Variants in NAALADL2 observed in about 807,000 individuals in gnomAD.
The protein encoded by NAALADL2 is N-acetylated alpha-linked acidic dipeptidase like 2.
Under a neutral mutation model 87.2 loss-of-function variants are expected in NAALADL2, and 76 were observed. The ratio of observed to expected loss-of-function variants is 0.87; its 90% CI spans 0.72 to 1.05. The LOEUF (loss-of-function observed/expected upper bound fraction) is 1.05, where lower values mean the gene tolerates loss of function less well. NAALADL2 is among the 50% of genes least tolerant of loss of function. The pLI is 0.00. For missense variants in NAALADL2, 1,089 were observed against 945.8 expected (o/e 1.15, Z -1.99); for synonymous variants, 354 against 331.0 (o/e 1.07, Z -0.75).
chr3:174,528,399 G>A (rs1361077461), intron 1 of NAALADL2, among the ~76,000 whole-genome samples: 3 of 152,116 alleles, frequency 2.0e-5, no homozygotes, highest in South Asian at 4.1e-4. Context: ...AGAGGCCAAG[G>A]CATGTAGATC....
chr3:175,515,867 G>T (rs752564408), intron 9 of NAALADL2, among the ~76,000 whole-genome samples: 2 of 152,160 alleles, frequency 1.3e-5, no homozygotes, highest in African/African-American at 2.4e-5. Context: ...TCATATGCCT[G>T]TACCTAAGTG....
At chr3:175,157,371 A>G (rs1732483707) in intron 2 of NAALADL2, among the ~76,000 whole-genome samples, 2 of 152,098 alleles carry the variant, frequency 1.3e-5, no homozygotes, top group African/African-American at 4.8e-5. Flanking sequence ...TCAATTCTCA[A>G]AACATCAGTT....
At chr3:174,912,045 T>C (rs529217797) in intron 1 of NAALADL2, among the ~76,000 whole-genome samples, 2 of 152,236 alleles carry the variant, frequency 1.3e-5, no homozygotes, top group South Asian at 2.1e-4. Flanking sequence ...CCAATTTCTC[T>C]TCTCACAGAA....
At chr3:175,523,583 T>A (rs546467677) in intron 9 of NAALADL2, among the ~76,000 whole-genome samples, 1 of 152,338 alleles carries the variant, frequency 6.6e-6, no homozygotes, top group Non-Finnish European at 1.5e-5. Flanking sequence ...CACGGCAAGT[T>A]ACTTCTCTAG....
rs1179176430 is a variant in NAALADL2, at chr3:174,547,390, T to C, written c.-183-3179T>C. On this transcript the variant is annotated intron_variant, in intron 1 of 3. Transcript: ENST00000434257. ...TGATTGCTTATACATTGTTAAGCTC[T>C]AGGATGTGGATTATAGTGTCCTGTG... Among the ~76,000 whole-genome samples the C allele has an allele frequency of 4.6e-5, 7 of 152,284 alleles. No homozygotes were observed. The East Asian group carries it at 1.4e-3, about 29-fold the overall frequency.
At chr3:175,457,469 A>T (rs1405733753) in intron 6 of NAALADL2, among the ~76,000 whole-genome samples, 4 of 152,080 alleles carry the variant, frequency 2.6e-5, no homozygotes, top group Admixed American at 6.6e-5. Context: ...ATTTGTGTTC[A>T]CTGATACGTG....
At chr3:175,723,606 T>G (rs1166533085) in intron 11 of NAALADL2, among the ~76,000 whole-genome samples, 1 of 152,148 alleles carries the variant, frequency 6.6e-6, no homozygotes, top group Non-Finnish European at 1.5e-5. Context: ...CCAGGTTAAT[T>G]TATTAGTAAT....
chr3:175,728,039 T>C (rs1184646703), intron 11 of NAALADL2, among the ~76,000 whole-genome samples: 1 of 152,202 alleles, frequency 6.6e-6, no homozygotes, highest in African/African-American at 2.4e-5. Context: ...GTATAAGTTC[T>C]CGCTTTACTA....
chr3:174,538,999 A>G (rs1269763341), intron 1 of NAALADL2, among the ~76,000 whole-genome samples: 2 of 152,214 alleles, frequency 1.3e-5, no homozygotes, highest in Non-Finnish European at 1.5e-5. Context: ...AACCTTGGCA[A>G]AACAAACTTC....
intron 13 of NAALADL2, among the ~76,000 whole-genome samples, chr3:175,788,450 A>G (rs1419972473): frequency 2.6e-5 from 4 of 152,022 alleles, no homozygotes; most frequent in Non-Finnish European, 5.9e-5. Flanking sequence ...ATGTGTTTAT[A>G]TATACAAATA....
At chr3:174,546,358 T>C (rs79550876) in intron 1 of NAALADL2, among the ~76,000 whole-genome samples, 23 of 152,284 alleles carry the variant, frequency 1.5e-4, no homozygotes, top group Non-Finnish European at 3.1e-4. Flanking sequence ...GTACCTCTGC[T>C]CTTTTGTTTG....
chr3:175,152,090 T>A (rs1428684302), intron 2 of NAALADL2, among the ~76,000 whole-genome samples: 1 of 152,192 alleles, frequency 6.6e-6, no homozygotes, highest in African/African-American at 2.4e-5. Context: ...TTGTATAAGT[T>A]GGATCGTCAT....
intron 1 of NAALADL2, among the ~76,000 whole-genome samples, chr3:174,880,041 C>G (rs1244695093): frequency 6.6e-6 from 1 of 151,970 alleles, no homozygotes; most frequent in Non-Finnish European, 1.5e-5. Context: ...CCCTGTTATA[C>G]CTGCTTTCTT....
At chr3:175,236,947 T>A (rs781288378) in intron 3 of NAALADL2, among the ~76,000 whole-genome samples, 5 of 152,202 alleles carry the variant, frequency 3.3e-5, no homozygotes, top group Admixed American at 6.5e-5. Context: ...TGCAATTAGA[T>A]AGCCTCACCT....
At chr3:174,897,369 A>G (rs991917281) in intron 1 of NAALADL2, among the ~76,000 whole-genome samples, 9 of 152,006 alleles carry the variant, frequency 5.9e-5, no homozygotes, top group Non-Finnish European at 1.2e-4. Flanking sequence ...ATTTGAAAAG[A>G]TATTTTTCAA....
intron 12 of NAALADL2, among the ~76,000 whole-genome samples, chr3:175,741,993 G>C (rs1308929764): frequency 6.6e-6 from 1 of 152,228 alleles, no homozygotes; most frequent in Non-Finnish European, 1.5e-5. Context: ...CATGTCATAA[G>C]TAGATAAGAG....
intron 2 of NAALADL2, among the ~76,000 whole-genome samples, chr3:174,600,903 C>A (rs971320423): frequency 8.5e-5 from 13 of 152,238 alleles, no homozygotes; most frequent in Admixed American, 2.6e-4. Context: ...CACTGGATTA[C>A]AATTCGACAT....
At chr3:175,376,455 T>A (rs1178746285) in intron 5 of NAALADL2, among the ~76,000 whole-genome samples, 2 of 152,176 alleles carry the variant, frequency 1.3e-5, no homozygotes, top group Non-Finnish European at 2.9e-5. Context: ...TTCTATAGAC[T>A]TGTGGATTAC....
At chr3:175,306,583 G>A (rs911931170) in intron 4 of NAALADL2, among the ~76,000 whole-genome samples, 1 of 152,078 alleles carries the variant, frequency 6.6e-6, no homozygotes, top group East Asian at 1.9e-4. Context: ...AGGCTGAGGC[G>A]GGCAGATCAT....
Sources: allele counts gnomAD v4.1 joint callset (sites outside exome capture counted in the v4.1 genomes callset), GRCh38; gene constraint gnomAD v4.1.1; transcripts MANE v1.5; gene names NCBI Gene and HGNC (gene_info 2026-07-23, HGNC 2026-07-21).